ADARB2: variants seen among roughly 807,000 people sequenced by gnomAD.
ADARB2 encodes inactive double-stranded RNA-specific editase B2.
Under a neutral mutation model 62.2 loss-of-function variants are expected in ADARB2, and 25 were observed. The ratio of observed to expected loss-of-function variants is 0.40; its 90% CI spans 0.29 to 0.56. The LOEUF (loss-of-function observed/expected upper bound fraction) is 0.56, where lower values mean the gene tolerates loss of function less well. Ranked by LOEUF, ADARB2 falls within the 20% of genes least tolerant of loss-of-function variation. The pLI, the probability that ADARB2 is intolerant of heterozygous loss-of-function variation, is 0.43. For missense variants in ADARB2, 1,071 were observed against 1,077.4 expected (o/e 0.99, Z 0.08); for synonymous variants, 572 against 500.8 (o/e 1.14, Z -1.90).
rs1265076386 is a variant in ADARB2 at position 1,737,230 on chromosome 10, C to CGCT, written c.-83_-81dup. The CGCT allele has an allele frequency of 3.7e-6, 5 of 1,368,700 alleles. No homozygotes were observed. The Admixed American group carries it at 7.2e-5, about 20-fold the overall frequency. 84.8% of individuals were successfully genotyped at this position (1,368,700 alleles called of 1,614,324 possible). A position where few individuals can be genotyped will look rare whatever the true frequency, so the allele number is the denominator to read the frequency against. On this transcript the variant is annotated 5_prime_UTR_variant, in exon 1 of 10. Coordinates refer to ENST00000381312, the MANE Select transcript of ADARB2 (RefSeq NM_018702.4). ...CCTCCTTCCCGGCAGCCGCCGCCGC[C>CGCT]GCTGCTGCGAAGCTTGAGGTTGCAA...
rs373482012 is a variant in ADARB2, at chr10:1,241,006, C to G, written c.1361+1125G>C. Among the ~76,000 whole-genome samples, 569 of 152,186 alleles carry G rather than the reference C, an allele frequency of 3.7e-3. 5 individuals carry two copies. Among genetic ancestry groups the G allele is most frequent in the Middle Eastern group, 0.034 (10 of 294 alleles). On this transcript the variant is annotated intron_variant, in intron 5 of 9. Transcript: ENST00000381312. ...TGAGTGTGGGCTGAGCACAGTGGCTCATGCCTGTAATCTCAGCACTTTGGG... is the reference window on the plus strand; with the variant it reads ...TGAGTGTGGGCTGAGCACAGTGGCTGATGCCTGTAATCTCAGCACTTTGGG...
chr10:1,470,646 A>C (rs919834096), intron 1 of ADARB2, among the ~76,000 whole-genome samples: 1 of 152,202 alleles, frequency 6.6e-6, no homozygotes, highest in Admixed American at 6.5e-5. Context: ...AAATTTTATG[A>C]CTCATGTAGT....
At chr10:1,251,755 C>T (rs1028143984) in intron 4 of ADARB2, among the ~76,000 whole-genome samples, 7 of 152,096 alleles carry the variant, frequency 4.6e-5, no homozygotes, top group African/African-American at 1.7e-4. Context: ...GGGATGAGGG[C>T]TCCACCTTCA....
chr10:1,510,121 T>TTTCTTTCTTTCTTTCTTTCC lies in ADARB2; in HGVS notation c.101-130962_101-130961insGGAAAGAAAGAAAGAAAGAA, dbSNP rs1831912109. On this transcript the variant is annotated intron_variant, in intron 1 of 9. Coordinates refer to ENST00000381312, the MANE Select transcript of ADARB2 (RefSeq NM_018702.4). ...TTTTCTTTCTTTCTCTCTTTCTTTC[T>TTTCTTTCTTTCTTTCTTTCC]TTCTTTCTTTCTTTCTTTCTTTCTT... Among the ~76,000 whole-genome samples the TTTCTTTCTTTCTTTCTTTCC allele has an allele frequency of 3.5e-5, 4 of 115,680 alleles. 1 individual carries two copies. The highest frequency in any genetic ancestry group is 8.8e-5 in the Admixed American group (1 of 11,424). The allele number at this position is 115,680 out of a possible 152,430, so 75.9% of individuals were successfully genotyped here.
At chr10:1,250,684 T>C (rs917069696) in intron 4 of ADARB2, among the ~76,000 whole-genome samples, 2 of 152,184 alleles carry the variant, frequency 1.3e-5, no homozygotes, top group Non-Finnish European at 2.9e-5. Context: ...AAACCACTAT[T>C]TTTTATAAAG....
chr10:1,376,768 G>T (rs1389845136), intron 2 of ADARB2, among the ~76,000 whole-genome samples: 3 of 150,664 alleles, frequency 2.0e-5, no homozygotes, highest in Non-Finnish European at 4.4e-5. Flanking sequence ...CTCCAGCCGG[G>T]ATCCCAGCAG....
chr10:1,614,920 T>A (rs1874994), intron 1 of ADARB2, among the ~76,000 whole-genome samples: 23,330 of 143,050 alleles, frequency 0.16, 1,926 homozygotes, highest in Non-Finnish European at 0.19. Context: ...CAAAAAAAAA[T>A]AATAAAATGC....
At chr10:1,469,099 C>T (rs1051527101) in intron 1 of ADARB2, among the ~76,000 whole-genome samples, 1 of 152,202 alleles carries the variant, frequency 6.6e-6, no homozygotes, top group Admixed American at 6.5e-5. Context: ...CAGATGCATC[C>T]ATTTCTTCTC....
At chr10:1,613,560 T>C (rs17293991) in intron 1 of ADARB2, among the ~76,000 whole-genome samples, 9,768 of 152,224 alleles carry the variant, frequency 0.064, 470 homozygotes, top group South Asian at 0.19. Flanking sequence ...CAGCAGATGC[T>C]CATTTTCGTG....
At chr10:1,312,817 C>T (rs1254334166) in intron 3 of ADARB2, among the ~76,000 whole-genome samples, 1 of 152,210 alleles carries the variant, frequency 6.6e-6, no homozygotes, top group South Asian at 2.1e-4. Flanking sequence ...GTGCTCTGTT[C>T]CAGATGCCTG....
chr10:1,303,484 T>C (rs1200072853), intron 3 of ADARB2, among the ~76,000 whole-genome samples: 1 of 152,178 alleles, frequency 6.6e-6, no homozygotes. Context: ...ATTTCCCCAA[T>C]CTAGCAAGGC....
At chr10:1,683,230 G>A (rs925380773) in intron 1 of ADARB2, among the ~76,000 whole-genome samples, 1 of 151,950 alleles carries the variant, frequency 6.6e-6, no homozygotes, top group Admixed American at 6.5e-5. Flanking sequence ...TCACTTTTCC[G>A]AGGATTTGGG....
Position 1,606,407 on chromosome 10 carries a change from A to G in ADARB2, c.100+130644T>C, listed in dbSNP as rs182344495. On this transcript the variant is annotated intron_variant, in intron 1 of 9. Coordinates refer to ENST00000381312, the MANE Select transcript of ADARB2 (RefSeq NM_018702.4). ...GAGTGTGAAAGAATGCTCTCTACGC[A>G]AGCAGGTGAGAGCCCTGCTTCACAG... Among the ~76,000 whole-genome samples the G allele has an allele frequency of 1.9e-3, 283 of 152,280 alleles. 1 individual carries two copies. The highest frequency in any genetic ancestry group is 6.4e-3 in the African/African-American group (266 of 41,564).
In ADARB2 at chr10:1,493,729, C is replaced by CTTTTTTTTTTTTT. The variant is rs555812632; in HGVS notation, c.101-114582_101-114570dup. Among the ~76,000 whole-genome samples the CTTTTTTTTTTTTT allele has an allele frequency of 7.0e-5, 4 of 56,840 alleles. 1 individual carries two copies. Among genetic ancestry groups the CTTTTTTTTTTTTT allele is most frequent in the African/African-American group, 1.6e-4 (2 of 12,332 alleles). The allele number at this position is 56,840 out of a possible 152,430, so 37.3% of individuals were successfully genotyped here. On this transcript the variant is annotated intron_variant, in intron 1 of 9. Coordinates refer to ENST00000381312, the MANE Select transcript of ADARB2 (RefSeq NM_018702.4). ...TCTAGGCACAGCATAATATGGCATT[C>CTTTTTTTTTTTTT]TTTTTTTTTTTTTTTTTTTTTTTTT... is the stretch of plus-strand genomic sequence containing the variant.
Position 1,182,635 on chromosome 10 carries a change from G to A in ADARB2, c.*558C>T, listed in dbSNP as rs76022202. 1,216 of 152,728 alleles carry A rather than the reference G, an allele frequency of 8.0e-3. 5 individuals are homozygous for A. Among genetic ancestry groups the A allele is most frequent in the Non-Finnish European group, 0.014 (986 of 68,322 alleles). 9.5% of individuals were successfully genotyped at this position (152,728 alleles called of 1,614,324 possible). A position where few individuals can be genotyped will look rare whatever the true frequency, so the allele number is the denominator to read the frequency against. ...TCTATTTTAGGTGTTCGGTAATGTC[G>A]TACATCTTAAATCTTTTTTGAAAGG... On this transcript the variant is annotated 3_prime_UTR_variant, in exon 10 of 10. Coordinates refer to ENST00000381312, the MANE Select transcript of ADARB2 (RefSeq NM_018702.4).
rs530995707 is a variant in ADARB2, at chr10:1,229,122, T to C, written c.1513+4572A>G. Among the ~76,000 whole-genome samples, 53 of 152,302 alleles carry C rather than the reference T, an allele frequency of 3.5e-4. 1 individual carries two copies. Among genetic ancestry groups the C allele is most frequent in the African/African-American group, 1.3e-3 (52 of 41,580 alleles). The stretch of plus-strand genomic sequence containing the variant: ...CTAGCAGGTGACACAGCTCCCAAAA[T>C]ACCTGAGACCAATTGGCATTGATAC... On this transcript the variant is annotated intron_variant, in intron 6 of 9. Transcript: ENST00000381312.
At chr10:1,325,119 A>T (rs1414943790) in intron 3 of ADARB2, among the ~76,000 whole-genome samples, 2 of 152,182 alleles carry the variant, frequency 1.3e-5, no homozygotes, top group African/African-American at 4.8e-5. Context: ...TTGGGAAGGG[A>T]AGCTACAGTG....
At chr10:1,720,446 T>C (rs12776174) in intron 1 of ADARB2, among the ~76,000 whole-genome samples, 72,558 of 151,984 alleles carry the variant, frequency 0.48, 17,585 homozygotes, top group Middle Eastern at 0.59. Flanking sequence ...GAAGATCCTA[T>C]ACCAAACCTC....
rs1589160330 is a variant in ADARB2 at position 1,233,978 on chromosome 10, C to CTTT, written c.1362-136_1362-134dup. 2.5e-3 allele frequency: 1,087 copies of CTTT among 433,388 alleles called. 99 individuals carry two copies. The highest frequency in any genetic ancestry group is 0.022 in the African/African-American group (617 of 27,748). 26.8% of individuals were successfully genotyped at this position (433,388 alleles called of 1,614,324 possible). A position where few individuals can be genotyped will look rare whatever the true frequency, so the allele number is the denominator to read the frequency against. The stretch of plus-strand genomic sequence containing the variant: ...CTTTATATTTTTCCTTTTTTTTTTC[C>CTTT]TTTTTTTTTTGAGACGGAGTCTTGT... On this transcript the variant is annotated intron_variant, in intron 5 of 9. Coordinates refer to ENST00000381312, the MANE Select transcript of ADARB2 (RefSeq NM_018702.4).
Sources: allele counts gnomAD v4.1 joint callset (sites outside exome capture counted in the v4.1 genomes callset), GRCh38; gene constraint gnomAD v4.1.1; transcripts MANE v1.5; gene names NCBI Gene and HGNC (gene_info 2026-07-23, HGNC 2026-07-21).